Variants in CCDC171 observed in about 807,000 individuals in gnomAD.
CCDC171 encodes coiled-coil domain containing 171, also known as coiled-coil domain-containing protein 171.
Under a neutral mutation model 168.2 loss-of-function variants are expected in CCDC171, and 177 were observed. That is an observed-to-expected ratio of 1.05 (90% CI 0.93 to 1.19). CCDC171 has a LOEUF of 1.19. Ranked by LOEUF, CCDC171 falls within the 50% of genes most tolerant of loss-of-function variation. The pLI is 0.00. For synonymous variants in CCDC171, 687 were observed against 540.8 expected (o/e 1.27, Z -3.75); for missense variants, 1,991 against 1,539.0 (o/e 1.29, Z -4.91).
At chr9:15,914,531 C>T (rs111497967) in intron 24 of CCDC171, among the ~76,000 whole-genome samples, 11,233 of 152,190 alleles carry the variant, frequency 0.074, 970 homozygotes, top group African/African-American at 0.2. Flanking sequence ...TGACTTCGGA[C>T]TGCTGTGCTG....
chr9:15,684,173 A>T (rs2050226745), intron 10 of CCDC171, among the ~76,000 whole-genome samples: 1 of 152,142 alleles, frequency 6.6e-6, no homozygotes, highest in African/African-American at 2.4e-5. Flanking sequence ...AATGAAGATT[A>T]TAGGCTTTGA....
At chr9:16,066,398 C>A (rs1174210028), downstream of CCDC171, among the ~76,000 whole-genome samples, 1 of 152,000 alleles carries the variant, frequency 6.6e-6, no homozygotes, top group Non-Finnish European at 1.5e-5. Context: ...AGGGAAAAAT[C>A]CCCTGTCATG....
intron 21 of CCDC171, among the ~76,000 whole-genome samples, chr9:15,822,052 T>C (rs908186143): frequency 6.6e-6 from 1 of 152,220 alleles, no homozygotes; most frequent in Non-Finnish European, 1.5e-5. Flanking sequence ...ATCTGATCTT[T>C]GACAAACCTG....
intron 6 of CCDC171, among the ~76,000 whole-genome samples, chr9:15,619,328 A>G (rs1325315805): frequency 1.3e-5 from 2 of 152,240 alleles, no homozygotes; most frequent in African/African-American, 4.8e-5. Flanking sequence ...CAAGTTGTGA[A>G]TGCAAAGGAA....
chr9:15,804,110 T>C (rs1026165064), intron 21 of CCDC171, among the ~76,000 whole-genome samples: 1 of 152,224 alleles, frequency 6.6e-6, no homozygotes, highest in Admixed American at 6.5e-5. Flanking sequence ...AAGTTGCTTA[T>C]CAGCTTGAGA....
chr9:15,983,425 A>G (rs572042696), intron 3 of CCDC171, among the ~76,000 whole-genome samples: 1 of 151,976 alleles, frequency 6.6e-6, no homozygotes. Context: ...CTTCTTAGGT[A>G]ATATGCAGTA....
intron 1 of CCDC171, among the ~76,000 whole-genome samples, chr9:16,054,176 A>G (rs1423642834): frequency 6.6e-6 from 1 of 152,216 alleles, no homozygotes; most frequent in South Asian, 2.1e-4. Flanking sequence ...CAGCTAGACC[A>G]TGGCCAGAGG....
chr9:15,628,787 A>G (rs200248201), intron 7 of CCDC171, among the ~76,000 whole-genome samples: 1 of 152,244 alleles, frequency 6.6e-6, no homozygotes, highest in East Asian at 1.9e-4. Flanking sequence ...CCCCCAGTAG[A>G]GGCAGACTGA....
intron 18 of CCDC171, among the ~76,000 whole-genome samples, chr9:15,751,222 GGGATGTGAA>G (rs1243595608): frequency 7.9e-5 from 12 of 152,132 alleles, no homozygotes; most frequent in African/African-American, 2.9e-4. Flanking sequence ...CAACTTACAA[GGGATGTGAA>G]GGACCTCTTC....
chr9:15,582,329 G>T (rs996266280), intron 4 of CCDC171, among the ~76,000 whole-genome samples: 1 of 152,226 alleles, frequency 6.6e-6, no homozygotes, highest in Non-Finnish European at 1.5e-5. Flanking sequence ...TACACTGTTG[G>T]TGGGAGTGTA....
chr9:15,672,618 C>T (rs1012977521), intron 9 of CCDC171, among the ~76,000 whole-genome samples: 22 of 152,102 alleles, frequency 1.4e-4, no homozygotes, highest in Admixed American at 5.9e-4. Context: ...ATCCTTTCCC[C>T]GTTTCTTGTT....
At chr9:15,582,198 T>C (rs781717801) in intron 4 of CCDC171, among the ~76,000 whole-genome samples, 73 of 152,192 alleles carry the variant, frequency 4.8e-4, no homozygotes, top group Non-Finnish European at 7.9e-4. Flanking sequence ...CACTGGTCAT[T>C]AGAGAAATGC....
At chr9:15,723,996 T>A (rs991637296) in intron 13 of CCDC171, among the ~76,000 whole-genome samples, 1 of 152,220 alleles carries the variant, frequency 6.6e-6, no homozygotes, top group Non-Finnish European at 1.5e-5. Flanking sequence ...TTAATTATAA[T>A]ACCTTATGAG....
chr9:15,733,232 G>A (rs937142500), intron 16 of CCDC171, among the ~76,000 whole-genome samples: 6 of 152,156 alleles, frequency 3.9e-5, no homozygotes, highest in Admixed American at 2.0e-4. Context: ...TCAGATACAT[G>A]ATTTGTAAAT....
intron 18 of CCDC171, among the ~76,000 whole-genome samples, chr9:15,748,530 C>A (rs1042054606): frequency 6.6e-6 from 1 of 152,058 alleles, no homozygotes; most frequent in Non-Finnish European, 1.5e-5. Flanking sequence ...GATAGATTCA[C>A]CAAAGTTGAA....
At chr9:15,621,076 C>T (rs1443662263) in intron 6 of CCDC171, among the ~76,000 whole-genome samples, 2 of 152,156 alleles carry the variant, frequency 1.3e-5, no homozygotes, top group Non-Finnish European at 2.9e-5. Context: ...AGCGATTCTC[C>T]TGCCTCAGCC....
At chr9:15,566,583 G>A (rs1292245351) in intron 2 of CCDC171, among the ~76,000 whole-genome samples, 2 of 152,120 alleles carry the variant, frequency 1.3e-5, no homozygotes, top group African/African-American at 4.8e-5. Context: ...CAAAAAATAA[G>A]ATATATGATA....
chr9:15,602,955 G>GC (rs921171999), intron 6 of CCDC171, among the ~76,000 whole-genome samples: 12 of 151,876 alleles, frequency 7.9e-5, no homozygotes, highest in African/African-American at 2.9e-4. Flanking sequence ...ATCTCGCCTA[G>GC]CCTTATTTAA....
chr9:16,063,759 G>A (rs1367250230), downstream of CCDC171, among the ~76,000 whole-genome samples: 1 of 152,090 alleles, frequency 6.6e-6, no homozygotes, highest in East Asian at 1.9e-4. Context: ...TATAACATTT[G>A]TTCCATCCTC....
Sources: gnomAD v4.1 joint callset for allele counts (sites outside exome capture counted in the v4.1 genomes callset) on GRCh38, gnomAD v4.1.1 for gene constraint, MANE v1.5 for transcripts, NCBI Gene and HGNC (gene_info 2026-07-23, HGNC 2026-07-21) for gene names.